The following KAT2B variants were observed in gnomAD, a reference collection of about 807,000 sequenced individuals.
KAT2B encodes the protein lysine acetyltransferase 2B, also known as histone acetyltransferase KAT2B.
In KAT2B, 36 loss-of-function variants were observed where a neutral mutation model predicts 105.9. The ratio of observed to expected loss-of-function variants is 0.34; its 90% CI spans 0.26 to 0.45. KAT2B has a LOEUF of 0.45. KAT2B is among the 20% of genes least tolerant of loss of function. KAT2B has a pLI of 1.00. For synonymous variants in KAT2B, 397 were observed against 377.9 expected, an observed-to-expected ratio of 1.05 and a Z score of -0.59; for missense variants, 820 against 1,021.6, an observed-to-expected ratio of 0.80 and a Z score of 2.69.
chr3:20,062,124 A>ATTATATATAT (rs1302665833), intron 1 of KAT2B, among the ~76,000 whole-genome samples: 2 of 92,010 alleles, frequency 2.2e-5, no homozygotes, highest in South Asian at 3.4e-4. Context: ...TATAAAACAT[A>ATTATATATAT]TATATATAAA....
intron 6 of KAT2B, 81 bp from the exon 7 acceptor site, chr3:20,114,801 A>G (rs775645714): frequency 2.7e-6 from 2 of 733,804 alleles, no homozygotes; most frequent in Non-Finnish European, 2.4e-6. Flanking sequence ...GCTGATGTTA[A>G]GGTGATTGTC....
chr3:20,121,135 G>A (rs777732031), intron 8 of KAT2B, among the ~76,000 whole-genome samples: 5 of 152,062 alleles, frequency 3.3e-5, no homozygotes, highest in African/African-American at 4.8e-5. Context: ...ATTGTTACTT[G>A]TCTCCAAAAA....
At chr3:20,128,088 A>G (rs1023731080) in intron 11 of KAT2B, among the ~76,000 whole-genome samples, 25 of 152,284 alleles carry the variant, frequency 1.6e-4, no homozygotes, top group African/African-American at 5.3e-4. Flanking sequence ...ACCTACCAAC[A>G]AGTAGGGTTG....
chr3:20,092,947 G>A (rs1049599520), intron 2 of KAT2B, among the ~76,000 whole-genome samples: 4 of 151,766 alleles, frequency 2.6e-5, no homozygotes, highest in African/African-American at 9.7e-5. Flanking sequence ...TGATTCGACT[G>A]CCTCAGCCTC....
At chr3:20,135,041 C>G (rs1205283703) in intron 11 of KAT2B, among the ~76,000 whole-genome samples, 2 of 152,146 alleles carry the variant, frequency 1.3e-5, no homozygotes, top group Admixed American at 6.5e-5. Flanking sequence ...AGTGTCTACT[C>G]TGTTGAATAG....
intron 1 of KAT2B, among the ~76,000 whole-genome samples, chr3:20,041,036 C>T (rs1179966666): frequency 6.6e-6 from 1 of 152,136 alleles, no homozygotes; most frequent in Non-Finnish European, 1.5e-5. Context: ...GGAGTAGCTT[C>T]GGCATCCGAG....
chr3:20,096,071 C>CTAAGAG (rs1297988359), intron 3 of KAT2B, among the ~76,000 whole-genome samples: 54 of 152,206 alleles, frequency 3.5e-4, no homozygotes, highest in Non-Finnish European at 6.6e-4. Flanking sequence ...GATGTCTGTA[C>CTAAGAG]AGCAAGGAGG....
intron 7 of KAT2B, among the ~76,000 whole-genome samples, chr3:20,118,885 C>T (rs1367971280): frequency 2.0e-5 from 3 of 151,224 alleles, no homozygotes; most frequent in African/African-American, 7.3e-5. Flanking sequence ...TGATGTCTCT[C>T]ATGTATTCTC....
At chr3:20,118,328 TTGTGTGTGTGTGTG>T (rs10558647) in intron 7 of KAT2B, among the ~76,000 whole-genome samples, 1 of 139,196 alleles carries the variant, frequency 7.2e-6, no homozygotes, top group Non-Finnish European at 1.6e-5. Flanking sequence ...TCTCCTAAAT[TTGTGTGTGTGTGTG>T]TGTGTGTGTG....
intron 1 of KAT2B, among the ~76,000 whole-genome samples, chr3:20,059,823 C>T (rs916854445): frequency 6.6e-6 from 1 of 152,208 alleles, no homozygotes. Flanking sequence ...GTACAATCAT[C>T]ACCACAATCT....
chr3:20,091,375 T>G (rs1344951495), intron 2 of KAT2B, among the ~76,000 whole-genome samples: 1 of 152,064 alleles, frequency 6.6e-6, no homozygotes, highest in Non-Finnish European at 1.5e-5. Flanking sequence ...TTATTTTGAG[T>G]CTTCTCTTTT....
At chr3:20,134,825 G>T (rs1402349586) in intron 11 of KAT2B, among the ~76,000 whole-genome samples, 4 of 152,152 alleles carry the variant, frequency 2.6e-5, no homozygotes, top group African/African-American at 9.7e-5. Flanking sequence ...AAAATTTTGA[G>T]TAGCCATATT....
chr3:20,079,473 G>GGATT (rs1316651554), intron 2 of KAT2B, among the ~76,000 whole-genome samples: 3 of 152,088 alleles, frequency 2.0e-5, no homozygotes, highest in Non-Finnish European at 4.4e-5. Context: ...CCAAATGCTG[G>GGATT]GATTACAGGC....
chr3:20,150,906 T>G (rs1699858856), intron 17 of KAT2B, among the ~76,000 whole-genome samples: 1 of 152,220 alleles, frequency 6.6e-6, no homozygotes, highest in Non-Finnish European at 1.5e-5. Context: ...GTTTCTTCCT[T>G]TTAAAACATT....
chr3:20,138,737 G>C (rs903279244), intron 12 of KAT2B, among the ~76,000 whole-genome samples: 1 of 151,998 alleles, frequency 6.6e-6, no homozygotes, highest in Non-Finnish European at 1.5e-5. Context: ...CTATAAAAAT[G>C]TTTAGTTGTA....
intron 10 of KAT2B, among the ~76,000 whole-genome samples, chr3:20,126,955 G>T (rs1699416017): frequency 1.3e-5 from 2 of 152,092 alleles, no homozygotes; most frequent in African/African-American, 4.8e-5. Context: ...TGATGCTTTA[G>T]ACAGAGGGAA....
At chr3:20,112,454 G>T in intron 6 of KAT2B, among the ~76,000 whole-genome samples, 1 of 152,212 alleles carries the variant, frequency 6.6e-6, no homozygotes, top group East Asian at 1.9e-4. Flanking sequence ...ATAGAAAGTT[G>T]CAGTGCTGCA....
chr3:20,105,012 A>G (rs1698975510), intron 5 of KAT2B, among the ~76,000 whole-genome samples: 1 of 151,840 alleles, frequency 6.6e-6, no homozygotes, highest in Admixed American at 6.6e-5. Flanking sequence ...TAGCCTCCCA[A>G]GTAGCTAGGA....
chr3:20,081,668 G>A (rs1050664966), intron 2 of KAT2B, among the ~76,000 whole-genome samples: 1 of 152,014 alleles, frequency 6.6e-6, no homozygotes, highest in African/African-American at 2.4e-5. Context: ...TCAATGCTTT[G>A]TATCAGGCTC....
Sources: gnomAD v4.1 joint callset for allele counts (sites outside exome capture counted in the v4.1 genomes callset) on GRCh38, gnomAD v4.1.1 for gene constraint, MANE v1.5 for transcripts, NCBI Gene and HGNC (gene_info 2026-07-23, HGNC 2026-07-21) for gene names.